CPEB3: variants seen among roughly 807,000 people sequenced by gnomAD.
The protein encoded by CPEB3 is cytoplasmic polyadenylation element-binding protein 3.
In CPEB3, 20 loss-of-function variants were observed where a neutral mutation model predicts 67.2. The ratio of observed to expected loss-of-function variants is 0.30; its 90% CI spans 0.21 to 0.43. The LOEUF (loss-of-function observed/expected upper bound fraction) is 0.43. Among genes scored for constraint, CPEB3 ranks in the 20% least tolerant of loss-of-function variants. The pLI, the probability that CPEB3 is intolerant of heterozygous loss-of-function variation, is 1.00. For synonymous variants in CPEB3, 376 were observed against 393.1 expected (o/e 0.96, Z 0.51); for missense variants, 746 against 968.6 (o/e 0.77, Z 3.05).
At chr10:92,183,549 A>G (rs1848556894) in intron 3 of CPEB3, among the ~76,000 whole-genome samples, 1 of 152,184 alleles carries the variant, frequency 6.6e-6, no homozygotes, top group Admixed American at 6.5e-5. Flanking sequence ...AAAAATATTA[A>G]TATCTATGAA....
chr10:92,177,856 G>C (rs1039049262), intron 4 of CPEB3, among the ~76,000 whole-genome samples: 5 of 152,098 alleles, frequency 3.3e-5, no homozygotes, highest in African/African-American at 9.7e-5. Context: ...TAGGAGACAG[G>C]TTTTGGTGAG....
intron 2 of CPEB3, among the ~76,000 whole-genome samples, chr10:92,228,711 T>C (rs1319827796): frequency 6.7e-6 from 1 of 150,286 alleles, no homozygotes; most frequent in Non-Finnish European, 1.5e-5. Context: ...TTTATATATA[T>C]ATATACATTT....
intron 4 of CPEB3, among the ~76,000 whole-genome samples, chr10:92,178,281 C>T (rs1848313964): frequency 6.6e-6 from 1 of 151,900 alleles, no homozygotes; most frequent in South Asian, 2.1e-4. Flanking sequence ...GCCTCAGCCT[C>T]CTGAGCATCT....
chr10:92,196,700 G>C (rs534297167), intron 2 of CPEB3, among the ~76,000 whole-genome samples: 1 of 151,868 alleles, frequency 6.6e-6, no homozygotes, highest in East Asian at 1.9e-4. Flanking sequence ...CTGGGGAGGC[G>C]GAGGTTGCAG....
chr10:92,079,982 C>T (rs910841730), intron 9 of CPEB3, among the ~76,000 whole-genome samples: 3 of 151,290 alleles, frequency 2.0e-5, no homozygotes, highest in Admixed American at 6.6e-5. Flanking sequence ...AGGTGGATCA[C>T]GAGGTCAGGA....
At chr10:92,159,905 CCT>C (rs1847385610) in intron 4 of CPEB3, among the ~76,000 whole-genome samples, 2 of 151,858 alleles carry the variant, frequency 1.3e-5, no homozygotes, top group Admixed American at 6.6e-5. Context: ...TATTTTTTTC[CCT>C]GATTCCTCCT....
chr10:92,239,731 G>A lies in CPEB3; in HGVS notation c.620C>T (p.Ala207Val). 6.5e-7 allele frequency: 1 copy of A among 1,526,836 alleles called. No individual in the cohort carries two copies. Among genetic ancestry groups the A allele is most frequent in the Non-Finnish European group, 8.8e-7 (1 of 1,142,652 alleles). 94.6% of individuals were successfully genotyped at this position (1,526,836 alleles called of 1,614,324 possible). ...SQAPYAQRSA[A>V]AAYGHQPIMT... The stretch of plus-strand genomic sequence containing the variant: ...GATGGGCTGGTGGCCGTACGCCGCG[G>A]CGGCGCTCCTCTGCGCGTAGGGCGC... Residue 207 changes from alanine (A) to valine (V), a missense_variant, in exon 2 of 10, where the codon GCC (alanine) becomes GTC (valine). Transcript: ENST00000265997. The surrounding 1 kb of genome is among the most constrained non-coding windows in gnomAD (Gnocchi z 6.0).
intron 6 of CPEB3, among the ~76,000 whole-genome samples, chr10:92,120,735 C>T (rs767194239): frequency 6.6e-6 from 1 of 151,924 alleles, no homozygotes; most frequent in Non-Finnish European, 1.5e-5. Flanking sequence ...GAGTCTTACT[C>T]TGTTGCCCAG....
intron 5 of CPEB3, among the ~76,000 whole-genome samples, chr10:92,143,539 A>G (rs774104626): frequency 6.6e-6 from 1 of 152,226 alleles, no homozygotes; most frequent in Non-Finnish European, 1.5e-5. Context: ...TAAGAAATAG[A>G]TACGATTCTT....
intron 4 of CPEB3, among the ~76,000 whole-genome samples, chr10:92,152,446 G>A (rs986521683): frequency 3.9e-5 from 6 of 152,142 alleles, no homozygotes; most frequent in Admixed American, 2.0e-4. Context: ...CGAGGTTTAT[G>A]TTGTAGCATG....
chr10:92,124,086 C>A (rs1473103170), intron 6 of CPEB3, among the ~76,000 whole-genome samples: 2 of 152,182 alleles, frequency 1.3e-5, no homozygotes, highest in Non-Finnish European at 2.9e-5. Flanking sequence ...TTCCTAAAGT[C>A]TATTTTTTCC....
At chr10:92,289,751 A>ATATATATATGTATTATATATTATAAATG (rs1842735083) in intron 1 of CPEB3, among the ~76,000 whole-genome samples, 1 of 119,230 alleles carries the variant, frequency 8.4e-6, no homozygotes, top group Non-Finnish European at 1.6e-5. Context: ...ATATATATAT[A>ATATATATATGTATTATATATTATAAATG]TATATATGTA....
chr10:92,102,438 C>G (rs1471708149), intron 7 of CPEB3, among the ~76,000 whole-genome samples: 1 of 152,120 alleles, frequency 6.6e-6, no homozygotes. Context: ...TTGGATGCTC[C>G]AAGTCCACCC....
intron 7 of CPEB3, among the ~76,000 whole-genome samples, chr10:92,104,627 T>G (rs1020124402): frequency 4.6e-5 from 7 of 151,866 alleles, no homozygotes; most frequent in Non-Finnish European, 8.8e-5. Flanking sequence ...GACCTCATAA[T>G]CCGCCCGCCT....
chr10:92,094,828 C>CAA, intron 7 of CPEB3, among the ~76,000 whole-genome samples: 1 of 152,032 alleles, frequency 6.6e-6, no homozygotes, highest in East Asian at 1.9e-4. Context: ...CACACACACA[C>CAA]ACACACACAC....
intron 6 of CPEB3, chr10:92,119,186 A>G: frequency 3.2e-6 from 5 of 1,582,808 alleles, no homozygotes; most frequent in East Asian, 2.2e-5. Flanking sequence ...TCCCAGCATC[A>G]TATTCCTACA....
At position 92,289,732 on chromosome 10, in the gene CPEB3, A is replaced by AAAAAAAAAAAAAAAAAAAAT; in HGVS notation, c.-12+1193_-12+1194insATTTTTTTTTTTTTTTTTTT. On this transcript the variant is annotated intron_variant, in intron 1 of 9. Transcript: ENST00000265997. ...CGCGTCTCTACCAAAAAAAAAAAAA[A>AAAAAAAAAAAAAAAAAAAAT]ATATATATATATATATATATATATA... 1.1e-3 allele frequency among the ~76,000 whole-genome samples: 81 copies of AAAAAAAAAAAAAAAAAAAAT among 75,754 alleles called. 1 individual carries two copies. The highest frequency in any genetic ancestry group is 1.6e-3 in the Non-Finnish European group (63 of 39,080). 49.7% of individuals were successfully genotyped at this position (75,754 alleles called of 152,430 possible).
In CPEB3 at chr10:92,243,252, G is replaced by A. The variant is rs375193105; in HGVS notation, c.-11-2891C>T. 6 of 152,200 alleles carry A rather than the reference G, an allele frequency of 3.9e-5. No homozygotes were observed. The East Asian group carries it at 5.8e-4, about 15-fold the overall frequency. 9.4% of individuals were successfully genotyped at this position (152,200 alleles called of 1,614,324 possible). ...CTTCTTTCAGGTTGATTATGTGACC[G>A]CTCTGGCAAAAGCACTTTGACAACT... On this transcript the variant is annotated intron_variant, in intron 1 of 9. Coordinates refer to ENST00000265997, the MANE Select transcript of CPEB3 (RefSeq NM_014912.5).
chr10:92,071,110 T>C (rs2133130626), intron 9 of CPEB3, among the ~76,000 whole-genome samples: 1 of 144,632 alleles, frequency 6.9e-6, no homozygotes, highest in African/African-American at 2.8e-5. Flanking sequence ...CACACACACT[T>C]CCTTCAAGCT....
Sources: gnomAD v4.1 joint callset for allele counts (sites outside exome capture counted in the v4.1 genomes callset) on GRCh38, gnomAD v4.1.1 for gene constraint, Gnocchi (gnomAD v3.1) non-coding constraint, MANE v1.5 for transcripts, NCBI Gene and HGNC (gene_info 2026-07-23, HGNC 2026-07-21) for gene names.